DNAH7: variants seen among roughly 807,000 people sequenced by gnomAD.
DNAH7 encodes the protein dynein axonemal heavy chain 7.
DNAH7 carries 397 observed loss-of-function variants against 444.6 expected under a neutral mutation model. That is an observed-to-expected ratio of 0.89 (90% CI 0.82 to 0.97). The LOEUF (loss-of-function observed/expected upper bound fraction) is 0.97. Ranked by LOEUF, DNAH7 falls within the 50% of genes least tolerant of loss-of-function variation. The probability of loss-of-function intolerance (pLI) is 0.00; values close to 1 mark genes in which losing one functional copy is unlikely to be tolerated. For synonymous variants in DNAH7, 1,636 were observed against 1,624.4 expected, an observed-to-expected ratio of 1.01 and a Z score of -0.17; for missense variants, 4,902 against 4,800.8, an observed-to-expected ratio of 1.02 and a Z score of -0.62.
At chr2:196,015,085 A>T (rs1398587924) in intron 9 of DNAH7, among the ~76,000 whole-genome samples, 1 of 152,066 alleles carries the variant, frequency 6.6e-6, no homozygotes, top group African/African-American at 2.4e-5. Flanking sequence ...CTTATCCAAA[A>T]GTGAAATTGC....
intron 18 of DNAH7, among the ~76,000 whole-genome samples, chr2:195,959,715 G>C (rs771249462): frequency 3.3e-5 from 5 of 152,084 alleles, no homozygotes; most frequent in African/African-American, 4.8e-5. Context: ...CAGACAGCTA[G>C]GCTTACTTTA....
At chr2:195,792,822 G>GGA (rs768594954) in intron 57 of DNAH7, among the ~76,000 whole-genome samples, 4 of 150,876 alleles carry the variant, frequency 2.7e-5, no homozygotes, top group Admixed American at 1.3e-4. Context: ...AGGGGAAGGG[G>GGA]GAGAGAGAGA....
At chr2:195,889,133 ATG>A (rs1383031514) in intron 31 of DNAH7, 152 bp from the exon 32 acceptor site, 18 of 688,626 alleles carry the variant, frequency 2.6e-5, no homozygotes, top group African/African-American at 5.4e-5. Flanking sequence ...AAAGATTACT[ATG>A]TGTGTGTGTG....
chr2:195,919,350 T>C (rs1036056873), intron 24 of DNAH7, among the ~76,000 whole-genome samples: 7 of 151,988 alleles, frequency 4.6e-5, no homozygotes, highest in African/African-American at 7.3e-5. Flanking sequence ...CTTTAAAAAG[T>C]CTTTTTCTTT....
At chr2:195,877,888 C>T (rs749906837) in intron 36 of DNAH7, among the ~76,000 whole-genome samples, 2 of 152,142 alleles carry the variant, frequency 1.3e-5, no homozygotes, top group Non-Finnish European at 2.9e-5. Flanking sequence ...TGTGTTTGTA[C>T]CTGTGATTGC....
At position 195,838,472 on chromosome 2, in the gene DNAH7, A is replaced by C. The variant is rs530725394; in HGVS notation, c.8946-4112T>G. Among the ~76,000 whole-genome samples the C allele has an allele frequency of 3.5e-4, 54 of 152,226 alleles. No individual in the cohort carries two copies. In the Middle Eastern group the frequency reaches 0.024, roughly 67 times the overall value. On this transcript the variant is annotated intron_variant, in intron 47 of 64. Transcript: ENST00000312428. ...AGAGACATTCTCAGGAGAAAAAAAA[A>C]CAGAAAGGATAATGAGCACCAAATG...
At chr2:195,744,864 T>C (rs1693293165) in intron 63 of DNAH7, among the ~76,000 whole-genome samples, 1 of 151,994 alleles carries the variant, frequency 6.6e-6, no homozygotes. Flanking sequence ...TACATCACCA[T>C]CATCAAAGAT....
chr2:196,031,783 A>C (rs552903979), intron 5 of DNAH7, among the ~76,000 whole-genome samples: 29 of 152,168 alleles, frequency 1.9e-4, no homozygotes, highest in Non-Finnish European at 4.0e-4. Flanking sequence ...CCTGGATCTT[A>C]TTGTCCATAT....
chr2:195,862,203 A>C (rs1446807822), intron 41 of DNAH7, among the ~76,000 whole-genome samples: 2 of 152,220 alleles, frequency 1.3e-5, no homozygotes, highest in Non-Finnish European at 2.9e-5. Context: ...TGAGTGTTGC[A>C]GGAGAAAGGA....
At chr2:195,752,720 CAA>C (rs776922471) in intron 63 of DNAH7, among the ~76,000 whole-genome samples, 7 of 152,062 alleles carry the variant, frequency 4.6e-5, no homozygotes, top group South Asian at 2.1e-4. Flanking sequence ...GTACTGGAAA[CAA>C]AGAGAGAAGC....
chr2:195,965,461 T>C (rs1574903303), intron 17 of DNAH7, among the ~76,000 whole-genome samples: 4 of 152,330 alleles, frequency 2.6e-5, no homozygotes, highest in East Asian at 3.9e-4. Context: ...AGTTTTGGTA[T>C]CAAGGTAATA....
At chr2:195,740,633 A>G (rs1692959774) in intron 64 of DNAH7, 133 bp downstream of exon 64, 3 of 102,628 alleles carry the variant, frequency 2.9e-5, no homozygotes, top group African/African-American at 1.2e-4. Flanking sequence ...ATATATATAT[A>G]TATATATATA....
chr2:195,921,345 T>C (rs890787497), intron 24 of DNAH7, among the ~76,000 whole-genome samples: 1 of 130,706 alleles, frequency 7.7e-6, no homozygotes, highest in Non-Finnish European at 1.6e-5. Context: ...ATAAAGAAAA[T>C]GTGGTGTACA....
At chr2:195,754,252 T>A (rs1559073197) in intron 63 of DNAH7, 85 bp downstream of exon 63, 1 of 1,368,506 alleles carries the variant, frequency 7.3e-7, no homozygotes. Flanking sequence ...TATTACTTTT[T>A]TAACAGCTGA....
chr2:195,928,150 C>G (rs1688461784), intron 21 of DNAH7, among the ~76,000 whole-genome samples: 1 of 152,036 alleles, frequency 6.6e-6, no homozygotes, highest in African/African-American at 2.4e-5. Context: ...GTTTAGCTCC[C>G]ACTTATAAGT....
chr2:195,854,800 A>T (rs1286368875), intron 45 of DNAH7, among the ~76,000 whole-genome samples: 2 of 152,190 alleles, frequency 1.3e-5, no homozygotes, highest in Non-Finnish European at 2.9e-5. Context: ...CATATAGGAG[A>T]GTTGAAAAAT....
intron 19 of DNAH7, among the ~76,000 whole-genome samples, chr2:195,952,818 G>A (rs913246232): frequency 4.6e-5 from 7 of 151,978 alleles, no homozygotes; most frequent in Non-Finnish European, 8.8e-5. Flanking sequence ...GGTTATTCTA[G>A]TTAGCAATTC....
At chr2:196,051,606 A>C (rs1159611325) in intron 2 of DNAH7, among the ~76,000 whole-genome samples, 2 of 152,080 alleles carry the variant, frequency 1.3e-5, no homozygotes, top group Non-Finnish European at 2.9e-5. Context: ...TCTCTACTAA[A>C]AATACAAAAA....
At chr2:196,024,375 CAT>C (rs2125770343) in intron 8 of DNAH7, 52 bp downstream of exon 8, 1 of 1,163,710 alleles carries the variant, frequency 8.6e-7, no homozygotes, top group African/African-American at 1.6e-5. Flanking sequence ...GTGATATAAA[CAT>C]ATACAGAAAT....
Sources: allele counts gnomAD v4.1 joint callset (sites outside exome capture counted in the v4.1 genomes callset), GRCh38; gene constraint gnomAD v4.1.1; transcripts MANE v1.5; gene names NCBI Gene and HGNC (gene_info 2026-07-23, HGNC 2026-07-21).